FAM83B: variants seen among roughly 807,000 people sequenced by gnomAD.
FAM83B encodes protein FAM83B.
In FAM83B, 26 loss-of-function variants were observed where a neutral mutation model predicts 38.8. That is an observed-to-expected ratio of 0.67 (90% CI 0.49 to 0.93). The LOEUF (loss-of-function observed/expected upper bound fraction) is 0.93, where lower values mean the gene tolerates loss of function less well. FAM83B is among the 40% of genes least tolerant of loss of function. The pLI is 0.00. For missense variants in FAM83B, 1,237 were observed against 1,197.3 expected (o/e 1.03, Z -0.49); for synonymous variants, 419 against 423.1 (o/e 0.99, Z 0.12).
Position 54,926,515 on chromosome 6 carries a change from T to C in FAM83B, c.589T>C (p.Cys197Arg). The change falls in exon 3 of 5, where the codon TGT (cysteine) becomes CGT (arginine). Residue 197 changes from cysteine (C) to arginine (R), a missense_variant. Physicochemically the swap from Cys to Arg is radical, Grantham distance 180. Transcript: ENST00000306858. ...HFLNMTEKQG[C>R]SVQRLRNIRV... ...TCTAAATATGACTGAGAAACAAGGT[T>C]GTTCAGTTCAGCGTCTCAGGGTAAG... 1 of 1,598,308 alleles carries C rather than the reference T, an allele frequency of 6.3e-7. No individual in the cohort carries two copies. Among genetic ancestry groups the C allele is most frequent in the Non-Finnish European group, 8.5e-7 (1 of 1,171,184 alleles).
rs1373886421 is a variant in FAM83B, at chr6:54,870,515, G to A, written c.269G>A (p.Gly90Glu). The A allele has an allele frequency of 6.2e-7, 1 of 1,613,864 alleles. No individual in the cohort carries two copies. Among genetic ancestry groups the A allele is most frequent in the Admixed American group, 1.7e-5 (1 of 59,978 alleles). The change falls in exon 2 of 5, where the codon GGG (glycine) becomes GAG (glutamate). Residue 90 changes from glycine to glutamate, a missense_variant. Transcript: ENST00000306858. ...TCCTGTGATGATACCTTATCTTCAG[G>A]GACCTACTGGCCTGTTGAGTCTGAT... ...DDSCDDTLSS[G>E]TYWPVESDVE...
intron 2 of FAM83B, among the ~76,000 whole-genome samples, chr6:54,914,942 G>A (rs1339387946): frequency 6.6e-6 from 1 of 152,020 alleles, no homozygotes; most frequent in Non-Finnish European, 1.5e-5. Context: ...CTTCCCTACA[G>A]TTTTAGCATA....
At chr6:54,899,912 T>C (rs966098506) in intron 2 of FAM83B, among the ~76,000 whole-genome samples, 11 of 152,204 alleles carry the variant, frequency 7.2e-5, no homozygotes, top group African/African-American at 2.6e-4. Context: ...GCTCCAGCAA[T>C]GAAATGACCC....
chr6:54,892,034 C>G (rs943586793), intron 2 of FAM83B, among the ~76,000 whole-genome samples: 4 of 152,122 alleles, frequency 2.6e-5, no homozygotes, highest in African/African-American at 9.7e-5. Context: ...GTTCTGCCCT[C>G]TACATTTGGT....
At chr6:54,928,298 G>A (rs944120195) in intron 4 of FAM83B, among the ~76,000 whole-genome samples, 2 of 152,164 alleles carry the variant, frequency 1.3e-5, no homozygotes, top group African/African-American at 2.4e-5. Flanking sequence ...ATGTGAACAC[G>A]ACTGTGTAAG....
At chr6:54,869,767 G>C (rs981086821) in intron 1 of FAM83B, among the ~76,000 whole-genome samples, 5 of 152,066 alleles carry the variant, frequency 3.3e-5, no homozygotes, top group African/African-American at 1.2e-4. Context: ...TCTTCAAAGT[G>C]GTAAGTAATG....
intron 1 of FAM83B, among the ~76,000 whole-genome samples, chr6:54,859,134 C>A (rs1771517509): frequency 6.6e-6 from 1 of 151,896 alleles, no homozygotes; most frequent in Non-Finnish European, 1.5e-5. Flanking sequence ...GATCTCAGCT[C>A]ACTGCAACCT....
Position 54,870,554 on chromosome 6 carries a change from A to G in FAM83B, c.308A>G (p.Asn103Ser). ...WPVESDVEAP[N>S]LDLGWPYVMP... The stretch of plus-strand genomic sequence containing the variant: ...GTTGAGTCTGATGTGGAAGCTCCAA[A>G]TCTTGACTTAGGCTGGCCATATGTG... Residue 103 changes from asparagine (N) to serine (S), a missense_variant, in exon 2 of 5, where the codon AAT becomes AGT. Asn to Ser is a conservative substitution (Grantham distance 46). Coordinates refer to ENST00000306858, the MANE Select transcript of FAM83B (RefSeq NM_001010872.3). 1 of 1,614,050 alleles carries G rather than the reference A, an allele frequency of 6.2e-7. No homozygotes were observed. Among genetic ancestry groups the G allele is most frequent in the South Asian group, 1.1e-5 (1 of 91,072 alleles).
intron 2 of FAM83B, among the ~76,000 whole-genome samples, chr6:54,891,031 G>T (rs892822979): frequency 1.3e-5 from 2 of 151,884 alleles, no homozygotes; most frequent in African/African-American, 4.8e-5. Context: ...TGTATTTATG[G>T]TTACTTCTCC....
chr6:54,888,427 A>T (rs1193058789), intron 2 of FAM83B, among the ~76,000 whole-genome samples: 1 of 151,862 alleles, frequency 6.6e-6, no homozygotes, highest in African/African-American at 2.4e-5. Context: ...TGCTTTTGTT[A>T]CCAGTCTGTT....
chr6:54,864,012 C>A (rs1231480977), intron 1 of FAM83B, among the ~76,000 whole-genome samples: 1 of 152,048 alleles, frequency 6.6e-6, no homozygotes, highest in Admixed American at 6.5e-5. Context: ...CATGTATAAT[C>A]CTTTGGAATT....
chr6:54,927,384 T>G (rs1168758656), intron 3 of FAM83B, 124 bp from the exon 4 acceptor site: 13 of 442,108 alleles, frequency 2.9e-5, no homozygotes, highest in Admixed American at 1.9e-4. Flanking sequence ...TATTTGGGAG[T>G]TTTTTTTTTA....
intron 4 of FAM83B, among the ~76,000 whole-genome samples, chr6:54,932,617 A>G (rs1343365814): frequency 6.6e-6 from 1 of 152,124 alleles, no homozygotes; most frequent in Non-Finnish European, 1.5e-5. Context: ...CTTTTATTTC[A>G]ACTTAAAAAG....
Position 54,941,423 on chromosome 6 carries a change from A to G in FAM83B, c.2452A>G (p.Lys818Glu). ...VSEGEENQKP[K>E]KSDTKVDSSP... ...TGAGGGTGAAGAAAATCAAAAACCA[A>G]AGAAATCAGACACAAAAGTTGATTC... The change falls in exon 5 of 5, where the codon AAG (lysine) becomes GAG (glutamate). Residue 818 changes from lysine (K) to glutamate (E), a missense_variant. Coordinates refer to ENST00000306858, the MANE Select transcript of FAM83B (RefSeq NM_001010872.3). 6.2e-7 allele frequency: 1 copy of G among 1,613,094 alleles called. No individual in the cohort carries two copies. The highest frequency in any genetic ancestry group is 8.5e-7 in the Non-Finnish European group (1 of 1,179,818).
At chr6:54,937,715 T>C (rs1247909957) in intron 4 of FAM83B, among the ~76,000 whole-genome samples, 2 of 152,106 alleles carry the variant, frequency 1.3e-5, no homozygotes, top group Non-Finnish European at 2.9e-5. Context: ...AGCTCATGTG[T>C]CTACAATTCA....
intron 2 of FAM83B, among the ~76,000 whole-genome samples, chr6:54,914,669 C>A (rs1308610027): frequency 6.6e-6 from 1 of 152,150 alleles, no homozygotes; most frequent in Non-Finnish European, 1.5e-5. Flanking sequence ...ATTTTTGAAT[C>A]TCAATTGGGC....
intron 4 of FAM83B, among the ~76,000 whole-genome samples, chr6:54,935,730 C>T (rs1773511533): frequency 6.6e-6 from 1 of 152,084 alleles, no homozygotes; most frequent in Admixed American, 6.6e-5. Flanking sequence ...CAAATGAGAA[C>T]ACTAAGAGTC....
chr6:54,939,342 A>G (rs1225792173), intron 4 of FAM83B, among the ~76,000 whole-genome samples: 1 of 152,056 alleles, frequency 6.6e-6, no homozygotes, highest in Admixed American at 6.6e-5. Context: ...TTGGCTATGC[A>G]GGCTCTTTTT....
At chr6:54,939,132 T>G (rs879868153) in intron 4 of FAM83B, among the ~76,000 whole-genome samples, 1 of 152,038 alleles carries the variant, frequency 6.6e-6, no homozygotes, top group Non-Finnish European at 1.5e-5. Context: ...TTTCCCCACT[T>G]TATATTTTTG....
Sources: gnomAD v4.1 joint callset for allele counts (sites outside exome capture counted in the v4.1 genomes callset) on GRCh38, gnomAD v4.1.1 for gene constraint, MANE v1.5 for transcripts, NCBI Gene and HGNC (gene_info 2026-07-23, HGNC 2026-07-21) for gene names.